PTPRD: variants seen among roughly 807,000 people sequenced by gnomAD.
The protein encoded by PTPRD is protein tyrosine phosphatase receptor type D.
Under a neutral mutation model 214.5 loss-of-function variants are expected in PTPRD, and 34 were observed. The ratio of observed to expected loss-of-function variants is 0.16; its 90% CI spans 0.12 to 0.21. The LOEUF (loss-of-function observed/expected upper bound fraction) is 0.21, where lower values mean the gene tolerates loss of function less well. PTPRD is among the 10% of genes least tolerant of loss of function. The probability of loss-of-function intolerance (pLI) is 1.00; values close to 1 mark genes in which losing one functional copy is unlikely to be tolerated. For synonymous variants in PTPRD, 1,128 were observed against 845.7 expected (o/e 1.33, Z -5.79); for missense variants, 2,545 against 2,398.7 (o/e 1.06, Z -1.27).
chr9:8,791,723 G>C (rs1021391977), intron 11 of PTPRD, among the ~76,000 whole-genome samples: 1 of 151,774 alleles, frequency 6.6e-6, no homozygotes, highest in Non-Finnish European at 1.5e-5. Context: ...AGAAAGGAAC[G>C]TGAGATGACT....
intron 11 of PTPRD, among the ~76,000 whole-genome samples, chr9:8,923,273 C>T (rs915625783): frequency 2.6e-5 from 4 of 151,856 alleles, no homozygotes; most frequent in Admixed American, 2.0e-4. Flanking sequence ...AACTCCTGAC[C>T]TTAGGTGATC....
chr9:9,429,117 G>C (rs929319770), intron 8 of PTPRD, among the ~76,000 whole-genome samples: 1 of 152,044 alleles, frequency 6.6e-6, no homozygotes, highest in Non-Finnish European at 1.5e-5. Context: ...TCCAGGAACT[G>C]GTTTTTTGAA....
At chr9:9,724,719 C>G (rs1372085840) in intron 7 of PTPRD, among the ~76,000 whole-genome samples, 1 of 152,138 alleles carries the variant, frequency 6.6e-6, no homozygotes, top group Non-Finnish European at 1.5e-5. Context: ...GTTGTAAGCA[C>G]TACAAAAGTT....
At chr9:8,321,479 GTGTGTGTGTATATATATATATATA>G (rs1292595008) in intron 44 of PTPRD, among the ~76,000 whole-genome samples, 3,672 of 58,128 alleles carry the variant, frequency 0.063, 274 homozygotes, top group African/African-American at 0.25. Flanking sequence ...GTGTGTGTGT[GTGTGTGTGTATATATATATATATA>G]TATATATATA....
At chr9:8,782,367 C>T (rs931702057) in intron 11 of PTPRD, among the ~76,000 whole-genome samples, 3 of 151,336 alleles carry the variant, frequency 2.0e-5, no homozygotes, top group African/African-American at 7.4e-5. Flanking sequence ...TCAAAATCTA[C>T]TCTTTTAGCA....
At chr9:10,602,797 A>G (rs991195593) in intron 2 of PTPRD, among the ~76,000 whole-genome samples, 1 of 151,768 alleles carries the variant, frequency 6.6e-6, no homozygotes, top group Non-Finnish European at 1.5e-5. Context: ...CTTACATTTT[A>G]TCTTGCATCA....
chr9:8,762,147 A>T (rs10758992), intron 11 of PTPRD, among the ~76,000 whole-genome samples: 104,184 of 152,006 alleles, frequency 0.69, 35,776 homozygotes, highest in Middle Eastern at 0.77. Context: ...CTAGGAAAAC[A>T]TTCCCCACTA....
At chr9:8,843,629 G>A (rs1401358787) in intron 11 of PTPRD, among the ~76,000 whole-genome samples, 2 of 152,048 alleles carry the variant, frequency 1.3e-5, no homozygotes, top group East Asian at 3.9e-4. Flanking sequence ...AAGGACAATG[G>A]GTTTCTTAAG....
intron 10 of PTPRD, among the ~76,000 whole-genome samples, chr9:9,164,139 T>C (rs73399638): frequency 0.069 from 10,464 of 152,212 alleles, 638 homozygotes; most frequent in East Asian, 0.26. Flanking sequence ...CACAAATTTA[T>C]TATACTTCTG....
At chr9:8,879,669 G>T (rs2098425343) in intron 11 of PTPRD, among the ~76,000 whole-genome samples, 1 of 152,168 alleles carries the variant, frequency 6.6e-6, no homozygotes, top group Admixed American at 6.5e-5. Context: ...TAATTTTAAT[G>T]ATTTGAAACA....
intron 7 of PTPRD, among the ~76,000 whole-genome samples, chr9:9,704,510 T>G (rs1004297595): frequency 6.6e-5 from 10 of 152,126 alleles, no homozygotes; most frequent in Admixed American, 6.6e-4. Context: ...ACTCCCCAAT[T>G]CAAAGATTGG....
chr9:10,026,213 A>T (rs111258772), intron 4 of PTPRD, among the ~76,000 whole-genome samples: 1,549 of 152,276 alleles, frequency 0.01, 20 homozygotes, highest in African/African-American at 0.035. Flanking sequence ...AAAGCCAAAC[A>T]TTCTAAAACT....
At chr9:8,564,489 G>C (rs1023360017) in intron 14 of PTPRD, among the ~76,000 whole-genome samples, 4 of 151,976 alleles carry the variant, frequency 2.6e-5, no homozygotes, top group Non-Finnish European at 5.9e-5. Flanking sequence ...CACTTGAGGA[G>C]TTTGAGTTTG....
chr9:8,551,879 C>A (rs1362154095), intron 14 of PTPRD, among the ~76,000 whole-genome samples: 2 of 152,160 alleles, frequency 1.3e-5, no homozygotes, highest in African/African-American at 2.4e-5. Flanking sequence ...GAAATGTGAT[C>A]CAGTCATCCT....
At chr9:9,118,773 T>C (rs1285148049) in intron 10 of PTPRD, among the ~76,000 whole-genome samples, 21 of 152,210 alleles carry the variant, frequency 1.4e-4, no homozygotes, top group Non-Finnish European at 1.5e-5. Context: ...TTTATTTTTA[T>C]AATTTCAATT....
chr9:8,799,772 T>G (rs959344018), intron 11 of PTPRD, among the ~76,000 whole-genome samples: 1 of 152,078 alleles, frequency 6.6e-6, no homozygotes, highest in African/African-American at 2.4e-5. Flanking sequence ...TCACTCTTAT[T>G]TACTCTACCA....
At chr9:8,906,948 G>C (rs2098712037) in intron 11 of PTPRD, among the ~76,000 whole-genome samples, 2 of 152,062 alleles carry the variant, frequency 1.3e-5, no homozygotes, top group Non-Finnish European at 2.9e-5. Context: ...TGCCTGGAAA[G>C]CTGTGCATAT....
At chr9:8,356,894 T>A (rs759213987) in intron 39 of PTPRD, among the ~76,000 whole-genome samples, 2 of 152,192 alleles carry the variant, frequency 1.3e-5, no homozygotes, top group Admixed American at 1.3e-4. Context: ...ACAGCACTTA[T>A]AGTTTACAGT....
intron 2 of PTPRD, among the ~76,000 whole-genome samples, chr9:10,345,696 G>C (rs935681709): frequency 1.3e-4 from 20 of 152,252 alleles, no homozygotes; most frequent in African/African-American, 4.8e-4. Context: ...CCAAGTCTTT[G>C]CTATTGTGAA....
Sources: gnomAD v4.1 joint callset for allele counts (sites outside exome capture counted in the v4.1 genomes callset) on GRCh38, gnomAD v4.1.1 for gene constraint, MANE v1.5 for transcripts, NCBI Gene and HGNC (gene_info 2026-07-23, HGNC 2026-07-21) for gene names.